Variants in FOXP2 observed in about 807,000 individuals in gnomAD.
FOXP2 encodes forkhead box P2.
A neutral mutation model predicts 115.8 loss-of-function variants in FOXP2; 12 were observed. The ratio of observed to expected loss-of-function variants is 0.10; its 90% CI spans 0.07 to 0.17. FOXP2 has a LOEUF of 0.17. Among genes scored for constraint, FOXP2 ranks in the 10% least tolerant of loss-of-function variants. FOXP2 has a pLI of 1.00. For synonymous variants in FOXP2, 328 were observed against 297.7 expected, an observed-to-expected ratio of 1.10 and a Z score of -1.05; for missense variants, 629 against 843.5, an observed-to-expected ratio of 0.75 and a Z score of 3.15.
intron 2 of FOXP2, among the ~76,000 whole-genome samples, chr7:114,354,513 A>G (rs1011270333): frequency 6.6e-6 from 1 of 152,082 alleles, no homozygotes; most frequent in African/African-American, 2.4e-5. Flanking sequence ...CAAAATGCCA[A>G]CAGTGATGAA....
intron 2 of FOXP2, among the ~76,000 whole-genome samples, chr7:114,431,316 C>T (rs1283185829): frequency 6.6e-6 from 1 of 151,918 alleles, no homozygotes; most frequent in Non-Finnish European, 1.5e-5. Context: ...CCAATTGTTA[C>T]TGTGCGCTGA....
chr7:114,331,404 T>C (rs565710108), intron 2 of FOXP2, among the ~76,000 whole-genome samples: 32 of 152,284 alleles, frequency 2.1e-4, no homozygotes, highest in Admixed American at 5.2e-4. Flanking sequence ...AATATCAATA[T>C]ATAACCTTAG....
At chr7:114,590,366 C>T (rs1022243792) in intron 3 of FOXP2, among the ~76,000 whole-genome samples, 8 of 152,148 alleles carry the variant, frequency 5.3e-5, no homozygotes, top group African/African-American at 1.2e-4. Context: ...GCTGTTTTAA[C>T]GTGCACTGCA....
chr7:114,396,299 T>C (rs571168798), intron 2 of FOXP2, among the ~76,000 whole-genome samples: 1 of 152,244 alleles, frequency 6.6e-6, no homozygotes, highest in East Asian at 1.9e-4. Context: ...TTATTTCACT[T>C]AACACAATGA....
intron 1 of FOXP2, among the ~76,000 whole-genome samples, chr7:114,280,828 C>T (rs1008507952): frequency 4.6e-5 from 7 of 151,996 alleles, no homozygotes; most frequent in Non-Finnish European, 8.8e-5. Context: ...ATTATTTTCC[C>T]AGGACAAATT....
At chr7:114,096,487 G>A (rs919683001) in intron 1 of FOXP2, among the ~76,000 whole-genome samples, 2 of 151,966 alleles carry the variant, frequency 1.3e-5, no homozygotes, top group Non-Finnish European at 2.9e-5. Context: ...CTAATCGTAC[G>A]TGTCCGATGT....
rs151139416 is a variant in FOXP2, at chr7:114,524,638, T to C, written c.169-9979T>C. 5.7e-3 allele frequency among the ~76,000 whole-genome samples: 865 copies of C among 152,282 alleles called. 6 individuals are homozygous for C. The highest frequency in any genetic ancestry group is 0.019 in the African/African-American group (802 of 41,566). ...GATAAAAAGAGGGTGTTTTGAGGAT[T>C]AAATTTAGAATTATAACTGGCATAT... On this transcript the variant is annotated intron_variant, in intron 2 of 16. Coordinates refer to ENST00000350908, the MANE Select transcript of FOXP2 (RefSeq NM_014491.4).
In FOXP2 at chr7:114,285,482, G is replaced by A. The variant is rs1199607720; in HGVS notation, c.-101-2537G>A. On this transcript the variant is annotated intron_variant, in intron 1 of 17. Transcript: ENST00000634411. ...GTATGTAAATAAGAACATGACATGA[G>A]ATTTAAGCTAATATATTTTACAGTA... 2.0e-5 allele frequency: 3 copies of A among 152,094 alleles called. No individual in the cohort carries two copies. The South Asian group carries it at 6.2e-4, about 31-fold the overall frequency. 9.4% of individuals were successfully genotyped at this position (152,094 alleles called of 1,614,324 possible).
At chr7:114,352,411 C>A (rs559113958) in intron 2 of FOXP2, among the ~76,000 whole-genome samples, 187 of 152,216 alleles carry the variant, frequency 1.2e-3, no homozygotes, top group Non-Finnish European at 1.9e-3. Flanking sequence ...AGTGATTAAT[C>A]CAGAGGCAGC....
chr7:114,462,327 A>G (rs1485267330), intron 2 of FOXP2, among the ~76,000 whole-genome samples: 1 of 149,318 alleles, frequency 6.7e-6, no homozygotes, highest in Non-Finnish European at 1.5e-5. Context: ...AAGGACAGAA[A>G]TAAAACTCAG....
chr7:114,193,498 CATAAT>C (rs1216055607), intron 1 of FOXP2, among the ~76,000 whole-genome samples: 2 of 151,630 alleles, frequency 1.3e-5, no homozygotes, highest in Non-Finnish European at 2.9e-5. Context: ...GATATAATTA[CATAAT>C]ATAATACATT....
intron 16 of FOXP2, among the ~76,000 whole-genome samples, chr7:114,674,950 G>A (rs556087834): frequency 2.0e-4 from 30 of 152,044 alleles, no homozygotes; most frequent in African/African-American, 7.2e-4. Flanking sequence ...CTATTAATAT[G>A]ATTTCTGTTA....
intron 16 of FOXP2, among the ~76,000 whole-genome samples, chr7:114,685,092 G>A (rs1412333423): frequency 6.6e-6 from 1 of 151,540 alleles, no homozygotes; most frequent in Non-Finnish European, 1.5e-5. Flanking sequence ...ATCACCTATG[G>A]GTATACACTC....
intron 1 of FOXP2, among the ~76,000 whole-genome samples, chr7:114,131,108 T>C (rs1764720820): frequency 6.6e-6 from 1 of 152,204 alleles, no homozygotes; most frequent in South Asian, 2.1e-4. Flanking sequence ...GTTTTGGCCT[T>C]TAATGGCACT....
rs189168534 is a variant in FOXP2, at chr7:114,274,529, A to C, written c.-101-13490A>C. ...CCTTCCGTTTTTATTTGTCTTATAA[A>C]ATATTTTTCCTTCACTTTTGAAGGA... is the stretch of plus-strand genomic sequence containing the variant. On this transcript the variant is annotated intron_variant, in intron 1 of 17. Coordinates refer to the FOXP2 transcript ENST00000634411. Among the ~76,000 whole-genome samples, 5 of 150,840 alleles carry C rather than the reference A, an allele frequency of 3.3e-5. No homozygotes were observed. In the East Asian group the frequency reaches 5.8e-4, roughly 18 times the overall value.
chr7:114,162,521 A>G (rs1054089169), upstream of FOXP2, among the ~76,000 whole-genome samples: 4 of 151,868 alleles, frequency 2.6e-5, no homozygotes, highest in Non-Finnish European at 5.9e-5. Flanking sequence ...TTTTTCCTTT[A>G]CACTTTTCTA....
At chr7:114,182,563 A>G (rs899785685) in intron 1 of FOXP2, among the ~76,000 whole-genome samples, 4 of 151,340 alleles carry the variant, frequency 2.6e-5, no homozygotes, top group African/African-American at 7.3e-5. Context: ...TCTTATTAAC[A>G]CTAATGAGAT....
At chr7:114,367,270 T>G (rs1371552506) in intron 2 of FOXP2, among the ~76,000 whole-genome samples, 9 of 152,160 alleles carry the variant, frequency 5.9e-5, no homozygotes, top group Non-Finnish European at 1.2e-4. Context: ...GGCAGTCCCC[T>G]TTTGAAGGTA....
intron 1 of FOXP2, among the ~76,000 whole-genome samples, chr7:114,228,979 C>G (rs959457922): frequency 6.6e-6 from 1 of 151,152 alleles, no homozygotes. Context: ...AAAACAATAG[C>G]CAACTATAAA....
Sources: allele counts gnomAD v4.1 joint callset (sites outside exome capture counted in the v4.1 genomes callset), GRCh38; gene constraint gnomAD v4.1.1; transcripts MANE v1.5; gene names NCBI Gene and HGNC (gene_info 2026-07-23, HGNC 2026-07-21).